Variants in FRMPD1 observed in about 807,000 individuals in gnomAD.
FRMPD1 encodes the protein FERM and PDZ domain-containing protein 1.
In FRMPD1, 76 loss-of-function variants were observed where a neutral mutation model predicts 117.8. The ratio of observed to expected loss-of-function variants is 0.65; its 90% CI spans 0.54 to 0.78. The LOEUF (loss-of-function observed/expected upper bound fraction) is 0.78, where lower values mean the gene tolerates loss of function less well. FRMPD1 is among the 30% of genes least tolerant of loss of function. FRMPD1 has a pLI of 0.00. For missense variants in FRMPD1, 1,786 were observed against 1,964.5 expected, an observed-to-expected ratio of 0.91 and a Z score of 1.72; for synonymous variants, 783 against 770.4, an observed-to-expected ratio of 1.02 and a Z score of -0.27.
the FRMPD1 span, among the ~76,000 whole-genome samples, chr9:37,624,417 C>T: frequency 6.6e-6 from 1 of 152,164 alleles, no homozygotes; most frequent in Non-Finnish European, 1.5e-5. Flanking sequence ...TGGAGACTAA[C>T]CAACATATAG....
At chr9:37,714,906 C>T (rs1478617958) in intron 5 of FRMPD1, among the ~76,000 whole-genome samples, 1 of 152,138 alleles carries the variant, frequency 6.6e-6, no homozygotes, top group African/African-American at 2.4e-5. Context: ...CCTCGGCCTC[C>T]CAAAGTGCTG....
At chr9:37,611,913 A>C in the FRMPD1 span, among the ~76,000 whole-genome samples, 1 of 152,114 alleles carries the variant, frequency 6.6e-6, no homozygotes, top group East Asian at 1.9e-4. Context: ...ATTGGACCTA[A>C]AGTGATTCTC....
chr9:37,740,142 T>C lies in FRMPD1; in HGVS notation c.1614T>C (p.Pro538=). ...CTGAGGTGGACTGCGTACTCGAACCTCTCTCTGACAGGCGCCTGGTGAAAC... is the reference window on the plus strand; with the variant it reads ...CTGAGGTGGACTGCGTACTCGAACCCCTCTCTGACAGGCGCCTGGTGAAAC... ...ESSEVDCVLE[P]LSDRRLVKLA... is the part of the protein sequence containing the mutation. The change falls in exon 15 of 16, where the codon CCT becomes CCC. Residue 538 remains proline (P), a synonymous_variant. Coordinates refer to ENST00000377765, the MANE Select transcript of FRMPD1 (RefSeq NM_014907.3). This position sits in a 1 kb window ranked among gnomAD's most constrained non-coding sequence, Gnocchi z 4.2. 1 of 1,613,814 alleles carries C rather than the reference T, an allele frequency of 6.2e-7. No individual in the cohort carries two copies. The highest frequency in any genetic ancestry group is 8.5e-7 in the Non-Finnish European group (1 of 1,179,874).
At chr9:37,613,228 T>G in the FRMPD1 span, among the ~76,000 whole-genome samples, 1 of 152,202 alleles carries the variant, frequency 6.6e-6, no homozygotes, top group African/African-American at 2.4e-5. Flanking sequence ...AAGTCATCTA[T>G]CCATGCATCC....
At chr9:37,624,666 T>C in the FRMPD1 span, among the ~76,000 whole-genome samples, 2 of 152,214 alleles carry the variant, frequency 1.3e-5, no homozygotes. Context: ...CTATGATTAT[T>C]ATGAAAAGAA....
At chr9:37,653,925 C>T (rs1240695309) in intron 1 of FRMPD1, among the ~76,000 whole-genome samples, 2 of 152,124 alleles carry the variant, frequency 1.3e-5, no homozygotes, top group African/African-American at 4.8e-5. Flanking sequence ...CAGGCCACTG[C>T]ACTCCAGCCC....
At position 37,680,710 on chromosome 9, in the gene FRMPD1, G is replaced by A. The variant is rs1370502840; in HGVS notation, c.-4-11928G>A. On this transcript the variant is annotated intron_variant, in intron 1 of 15. Coordinates refer to ENST00000377765, the MANE Select transcript of FRMPD1 (RefSeq NM_014907.3). ...GCAGCCAGAACTTCTTGACGTGAAT[G>A]AAAGGCTCAGAGAACCTAGAGAACC... 2.6e-5 allele frequency among the ~76,000 whole-genome samples: 4 copies of A among 152,190 alleles called. No individual in the cohort carries two copies. The East Asian group carries it at 7.7e-4, about 29-fold the overall frequency.
rs530267746 is a variant in FRMPD1 at position 37,726,941 on chromosome 9, A to G, written c.612+2621A>G. Among the ~76,000 whole-genome samples, 15 of 152,234 alleles carry G rather than the reference A, an allele frequency of 9.9e-5. No homozygotes were observed. The East Asian group carries it at 1.9e-3, about 20-fold the overall frequency. On this transcript the variant is annotated intron_variant, in intron 7 of 15. Coordinates refer to ENST00000377765, the MANE Select transcript of FRMPD1 (RefSeq NM_014907.3). ...GCCTCTGGGGGAGTGGAGTGGTAGC[A>G]TGTATGGTGGACTTAGAAAGATAGA...
intron 5 of FRMPD1, among the ~76,000 whole-genome samples, chr9:37,716,457 A>T (rs1043370523): frequency 6.6e-6 from 1 of 152,118 alleles, no homozygotes; most frequent in African/African-American, 2.4e-5. Flanking sequence ...TCATTTTCCA[A>T]TGACTTCCTG....
chr9:37,647,982 C>T (rs1824173611), upstream of FRMPD1, among the ~76,000 whole-genome samples: 1 of 152,200 alleles, frequency 6.6e-6, no homozygotes, highest in South Asian at 2.1e-4. Flanking sequence ...GACTTTACTT[C>T]TTGGAGCCTC....
In FRMPD1 at chr9:37,744,708, T is replaced by C; in HGVS notation, c.2676T>C (p.Gly892=). Residue 892 remains glycine, a synonymous_variant, in exon 16 of 16, where the codon GGT becomes GGC. Coordinates refer to ENST00000377765, the MANE Select transcript of FRMPD1 (RefSeq NM_014907.3). ...TGTCCTCTCTGCAGGACATGCAGGG[T>C]GAGCCTGGCCTTCTGGAGACCAAGG... The part of the protein sequence containing the change: ...PTVSSLQDMQ[G]EPGLLETKAL... 1 of 1,613,942 alleles carries C rather than the reference T, an allele frequency of 6.2e-7. No homozygotes were observed. Among genetic ancestry groups the C allele is most frequent in the East Asian group, 2.2e-5 (1 of 44,884 alleles).
At chr9:37,638,279 G>A in the FRMPD1 span, among the ~76,000 whole-genome samples, 1 of 151,986 alleles carries the variant, frequency 6.6e-6, no homozygotes. Flanking sequence ...CACCATGTTG[G>A]CCAGGCTGGT....
chr9:37,642,433 T>C, the FRMPD1 span, among the ~76,000 whole-genome samples: 2 of 152,206 alleles, frequency 1.3e-5, no homozygotes, highest in Non-Finnish European at 2.9e-5. Context: ...TTCACTAGAT[T>C]TCTTGGATTT....
rs372887659 is a variant in FRMPD1, at chr9:37,743,141, G to A, written c.2357-1248G>A. ...CTTTACAATAGTGCCTCTCCTCCCA[G>A]AAAGATCCATCCTGGGATGCACAAA... is the stretch of plus-strand genomic sequence containing the variant. On this transcript the variant is annotated intron_variant, in intron 15 of 15. Transcript: ENST00000377765. Among the ~76,000 whole-genome samples, 6 of 152,170 alleles carry A rather than the reference G, an allele frequency of 3.9e-5. No individual in the cohort carries two copies. The East Asian group carries it at 5.8e-4, about 15-fold the overall frequency.
chr9:37,636,782 T>C, the FRMPD1 span: 1 of 1,609,650 alleles, frequency 6.2e-7, no homozygotes, highest in Non-Finnish European at 8.5e-7. Context: ...CCCCATCTGC[T>C]TTTTGATCTC....
the FRMPD1 span, among the ~76,000 whole-genome samples, chr9:37,637,988 CTTTCT>C: frequency 1.6e-5 from 2 of 121,808 alleles, no homozygotes; most frequent in Non-Finnish European, 3.4e-5. Flanking sequence ...TTCTTTCTTT[CTTTCT>C]TTCTTTCTTT....
At chr9:37,702,277 C>T (rs1258886261) in intron 2 of FRMPD1, among the ~76,000 whole-genome samples, 1 of 152,164 alleles carries the variant, frequency 6.6e-6, no homozygotes, top group Non-Finnish European at 1.5e-5. Flanking sequence ...CATTTATTTG[C>T]CCAATAAGCA....
chr9:37,669,947 C>T (rs1407248628), intron 1 of FRMPD1: 1 of 151,014 alleles, frequency 6.6e-6, no homozygotes, highest in East Asian at 1.9e-4. Context: ...GAGCTGAGAT[C>T]ACGCCATTGC....
chr9:37,632,108 C>T, the FRMPD1 span, among the ~76,000 whole-genome samples: 1 of 152,144 alleles, frequency 6.6e-6, no homozygotes, highest in Non-Finnish European at 1.5e-5. Context: ...TTATTTAACA[C>T]ATCTATTTAA....
Sources: allele counts gnomAD v4.1 joint callset (sites outside exome capture counted in the v4.1 genomes callset), GRCh38; gene constraint gnomAD v4.1.1; non-coding constraint Gnocchi (gnomAD v3.1); transcripts MANE v1.5; gene names NCBI Gene and HGNC (gene_info 2026-07-23, HGNC 2026-07-21).